MYT1L: variants seen among roughly 807,000 people sequenced by gnomAD.
The protein encoded by MYT1L is myelin transcription factor 1-like protein.
A neutral mutation model predicts 126.7 loss-of-function variants in MYT1L; 12 were observed. The ratio of observed to expected loss-of-function variants is 0.09; its 90% confidence interval spans 0.06 to 0.15. The LOEUF (loss-of-function observed/expected upper bound fraction) is 0.15, where lower values mean the gene tolerates loss of function less well. MYT1L is among the 10% of genes least tolerant of loss of function. The probability of loss-of-function intolerance (pLI) is 1.00; values close to 1 mark genes in which losing one functional copy is unlikely to be tolerated. For synonymous variants in MYT1L, 541 were observed against 604.2 expected, an observed-to-expected ratio of 0.90 and a Z score of 1.53; for missense variants, 979 against 1,585.2, an observed-to-expected ratio of 0.62 and a Z score of 6.49.
chr2:1,820,643 CTCAAGCAAT>C (rs1452331763), intron 21 of MYT1L, among the ~76,000 whole-genome samples: 3 of 152,096 alleles, frequency 2.0e-5, no homozygotes, highest in Non-Finnish European at 4.4e-5. Context: ...AACTCTTGGG[CTCAAGCAAT>C]TCTCACTCCT....
At chr2:1,959,791 C>T (rs2058810658) in intron 8 of MYT1L, among the ~76,000 whole-genome samples, 1 of 152,208 alleles carries the variant, frequency 6.6e-6, no homozygotes, top group South Asian at 2.1e-4. Flanking sequence ...GGACACGGTC[C>T]TCTGTCCACA....
intron 3 of MYT1L, among the ~76,000 whole-genome samples, chr2:2,062,112 C>T (rs2070603165): frequency 6.6e-6 from 1 of 152,222 alleles, no homozygotes; most frequent in Non-Finnish European, 1.5e-5. Context: ...GCCCTTCTCA[C>T]AGTTTCTGCC....
At chr2:2,147,267 C>T (rs772841962) in intron 3 of MYT1L, among the ~76,000 whole-genome samples, 1 of 152,218 alleles carries the variant, frequency 6.6e-6, no homozygotes, top group Non-Finnish European at 1.5e-5. Flanking sequence ...AAGTCTGTGT[C>T]AGAGCGTTGG....
chr2:1,857,713 T>C (rs2044088899), intron 18 of MYT1L, among the ~76,000 whole-genome samples: 1 of 152,242 alleles, frequency 6.6e-6, no homozygotes, highest in South Asian at 2.1e-4. Flanking sequence ...AGAATGATTC[T>C]GGCCACGTGA....
At chr2:1,987,543 C>G (rs891734694) in intron 5 of MYT1L, among the ~76,000 whole-genome samples, 1 of 152,166 alleles carries the variant, frequency 6.6e-6, no homozygotes, top group African/African-American at 2.4e-5. Context: ...CCATTCCTTT[C>G]TGGGCTTATG....
chr2:2,175,962 T>C (rs551439694), intron 2 of MYT1L, among the ~76,000 whole-genome samples: 12 of 152,344 alleles, frequency 7.9e-5, no homozygotes, highest in South Asian at 4.1e-4. Flanking sequence ...ATGGAGTACA[T>C]AGCAGGTTCT....
At chr2:2,230,492 C>T (rs778601629) in intron 2 of MYT1L, among the ~76,000 whole-genome samples, 2 of 152,172 alleles carry the variant, frequency 1.3e-5, no homozygotes, top group African/African-American at 4.8e-5. Context: ...AATTCTTGTT[C>T]GGTGACTATT....
chr2:2,267,010 C>A (rs1024944147), intron 2 of MYT1L, among the ~76,000 whole-genome samples: 1 of 152,180 alleles, frequency 6.6e-6, no homozygotes, highest in African/African-American at 2.4e-5. Context: ...CTAAGGAGTA[C>A]GTGGAGAGTG....
At chr2:1,898,683 C>T (rs74925543) in intron 14 of MYT1L, among the ~76,000 whole-genome samples, 3,588 of 152,312 alleles carry the variant, frequency 0.024, 78 homozygotes, top group South Asian at 0.061. Flanking sequence ...AGTGTGGCAC[C>T]GAGCTCCATG....
chr2:2,225,372 G>C (rs1210750494), intron 2 of MYT1L, among the ~76,000 whole-genome samples: 2 of 152,096 alleles, frequency 1.3e-5, no homozygotes, highest in Admixed American at 1.3e-4. Context: ...TTCAGCTTTT[G>C]AAAGCTCCCA....
At chr2:1,792,151 G>T in intron 24 of MYT1L, 144 bp from the exon 25 acceptor site, 1 of 1,211,180 alleles carries the variant, frequency 8.3e-7, no homozygotes, top group Non-Finnish European at 1.1e-6. Context: ...AAGTTTCTGG[G>T]GTCAGCCCCG....
At chr2:2,311,308 A>G (rs565144003) in intron 1 of MYT1L, among the ~76,000 whole-genome samples, 17 of 152,218 alleles carry the variant, frequency 1.1e-4, no homozygotes, top group Non-Finnish European at 2.2e-4. Flanking sequence ...TGTGTGTCCA[A>G]CTTGGATATT....
intron 1 of MYT1L, among the ~76,000 whole-genome samples, chr2:2,318,368 C>A (rs17039570): frequency 6.6e-6 from 1 of 152,218 alleles, no homozygotes; most frequent in East Asian, 1.9e-4. Flanking sequence ...CTTACTAACC[C>A]CTAGGATCAG....
intron 23 of MYT1L, among the ~76,000 whole-genome samples, chr2:1,800,578 C>G (rs1261405726): frequency 1.3e-5 from 2 of 152,184 alleles, no homozygotes; most frequent in Non-Finnish European, 2.9e-5. Context: ...GAGGATGTCT[C>G]CATCCTTGGG....
chr2:2,047,399 A>T (rs1181207944), intron 4 of MYT1L, among the ~76,000 whole-genome samples: 2 of 152,256 alleles, frequency 1.3e-5, no homozygotes, highest in Non-Finnish European at 2.9e-5. Flanking sequence ...AGACTAATGA[A>T]AATGATACAT....
intron 3 of MYT1L, among the ~76,000 whole-genome samples, chr2:2,121,802 C>T (rs1006264165): frequency 3.3e-5 from 5 of 152,176 alleles, no homozygotes; most frequent in Non-Finnish European, 5.9e-5. Context: ...CAGGAATTCT[C>T]TATTATGAAT....
chr2:2,121,911 C>A (rs1443361128), intron 3 of MYT1L, among the ~76,000 whole-genome samples: 7 of 152,180 alleles, frequency 4.6e-5, no homozygotes, highest in Non-Finnish European at 7.3e-5. Flanking sequence ...TTGTTTCTGC[C>A]ACATGAGACC....
At chr2:2,298,803 G>A (rs1478561585) in intron 1 of MYT1L, among the ~76,000 whole-genome samples, 1 of 152,086 alleles carries the variant, frequency 6.6e-6, no homozygotes, top group Non-Finnish European at 1.5e-5. Flanking sequence ...GCAGTGCTCA[G>A]GAACAGTCCT....
chr2:1,949,474 C>T (rs2057543342), intron 8 of MYT1L, among the ~76,000 whole-genome samples: 2 of 152,122 alleles, frequency 1.3e-5, no homozygotes, highest in Non-Finnish European at 2.9e-5. Flanking sequence ...TTGTGGTTAA[C>T]TCGGTGTCAA....
Sources: gnomAD v4.1 joint callset for allele counts (sites outside exome capture counted in the v4.1 genomes callset) on GRCh38, gnomAD v4.1.1 for gene constraint, MANE v1.5 for transcripts, NCBI Gene and HGNC (gene_info 2026-07-23, HGNC 2026-07-21) for gene names.